NBAS: variants seen among roughly 807,000 people sequenced by gnomAD.
The protein encoded by NBAS is NAG/BC035112 fusion.
A neutral mutation model predicts 302.5 loss-of-function variants in NBAS; 219 were observed. That is an observed-to-expected ratio of 0.72 (90% CI 0.65 to 0.81). NBAS has a LOEUF of 0.81. Ranked by LOEUF, NBAS falls within the 30% of genes least tolerant of loss-of-function variation. The pLI, the probability that NBAS is intolerant of heterozygous loss-of-function variation, is 0.00. For missense variants in NBAS, 2,932 were observed against 2,841.6 expected (o/e 1.03, Z -0.72); for synonymous variants, 1,118 against 1,021.6 (o/e 1.09, Z -1.80).
intron 26 of NBAS, among the ~76,000 whole-genome samples, chr2:15,400,467 A>G (rs955632937): frequency 6.6e-6 from 1 of 152,198 alleles, no homozygotes; most frequent in South Asian, 2.1e-4. Flanking sequence ...GGAGAAGTGG[A>G]TATGGGAGAA....
intron 14 of NBAS, among the ~76,000 whole-genome samples, chr2:15,474,971 A>G (rs1184244082): frequency 4.6e-5 from 7 of 152,214 alleles, no homozygotes; most frequent in African/African-American, 1.7e-4. Context: ...AATGAACATA[A>G]AGGTACTTAC....
chr2:15,165,850 A>G (rs184803825), downstream of NBAS, among the ~76,000 whole-genome samples: 10 of 152,192 alleles, frequency 6.6e-5, no homozygotes, highest in African/African-American at 1.9e-4. Flanking sequence ...CAATGATGTA[A>G]TATCATCTCA....
chr2:15,432,997 G>T (rs1677836680), intron 21 of NBAS, among the ~76,000 whole-genome samples: 1 of 152,202 alleles, frequency 6.6e-6, no homozygotes, highest in Non-Finnish European at 1.5e-5. Context: ...ATGTGTAAAA[G>T]AGAGACAAGA....
the NBAS span, among the ~76,000 whole-genome samples, chr2:14,842,998 A>C: frequency 6.6e-6 from 1 of 152,234 alleles, no homozygotes; most frequent in Non-Finnish European, 1.5e-5. Flanking sequence ...CTATGGATAC[A>C]AGGATGGTTC....
chr2:15,440,528 C>G (rs1678321542), intron 21 of NBAS, among the ~76,000 whole-genome samples: 1 of 152,012 alleles, frequency 6.6e-6, no homozygotes. Context: ...TCATCAAAGG[C>G]CAAAAGTAGA....
the NBAS span, among the ~76,000 whole-genome samples, chr2:15,161,338 T>C: frequency 6.6e-6 from 1 of 152,098 alleles, no homozygotes; most frequent in African/African-American, 2.4e-5. Flanking sequence ...AAGAGCAAAA[T>C]GTTTCCCGGT....
intron 9 of NBAS, among the ~76,000 whole-genome samples, chr2:15,522,344 A>G (rs1443572726): frequency 6.6e-6 from 1 of 152,192 alleles, no homozygotes; most frequent in Admixed American, 6.6e-5. Context: ...AGAATTATCT[A>G]ACATAAATCT....
intron 47 of NBAS, among the ~76,000 whole-genome samples, chr2:15,221,625 AAG>A (rs1307541512): frequency 6.6e-6 from 1 of 152,244 alleles, no homozygotes; most frequent in East Asian, 1.9e-4. Flanking sequence ...AGAACCAGGA[AAG>A]GCTTCAGAGA....
At chr2:15,164,760 G>A (rs1663973759), downstream of NBAS, among the ~76,000 whole-genome samples, 2 of 152,168 alleles carry the variant, frequency 1.3e-5, no homozygotes, top group African/African-American at 4.8e-5. Context: ...GAGGAACGCA[G>A]CGTTCTAGAG....
At chr2:15,371,605 A>T (rs1205506647) in intron 31 of NBAS, among the ~76,000 whole-genome samples, 1 of 152,194 alleles carries the variant, frequency 6.6e-6, no homozygotes, top group Non-Finnish European at 1.5e-5. Flanking sequence ...ACACAGCTCA[A>T]AGTGGCTACA....
chr2:15,258,916 G>A (rs990262172), intron 44 of NBAS, among the ~76,000 whole-genome samples: 33 of 152,162 alleles, frequency 2.2e-4, no homozygotes, highest in African/African-American at 7.0e-4. Context: ...CTGGTTTTGC[G>A]GCTCAGATGG....
the NBAS span, among the ~76,000 whole-genome samples, chr2:14,790,810 C>A: frequency 6.6e-6 from 1 of 151,680 alleles, no homozygotes; most frequent in African/African-American, 2.4e-5. Flanking sequence ...TGCCACCACA[C>A]CCAGGTAATT....
chr2:15,274,349 A>G (rs1026401008), intron 44 of NBAS, among the ~76,000 whole-genome samples: 1 of 152,224 alleles, frequency 6.6e-6, no homozygotes, highest in African/African-American at 2.4e-5. Context: ...CCAGGATAAT[A>G]CTAACTAAAA....
At chr2:15,050,192 G>A in the NBAS span, among the ~76,000 whole-genome samples, 14 of 151,962 alleles carry the variant, frequency 9.2e-5, 1 homozygote, top group South Asian at 8.3e-4. Context: ...CAGCACACTC[G>A]AACCAAAAAG....
At chr2:15,253,385 G>A (rs541271459) in intron 44 of NBAS, among the ~76,000 whole-genome samples, 35 of 152,230 alleles carry the variant, frequency 2.3e-4, no homozygotes, top group African/African-American at 8.2e-4. Flanking sequence ...GTGCAAATGT[G>A]TGTATGCGTG....
At chr2:14,909,366 T>A in the NBAS span, among the ~76,000 whole-genome samples, 240 of 78,282 alleles carry the variant, frequency 3.1e-3, no homozygotes, top group Middle Eastern at 0.015. Context: ...GGAGAGTTTC[T>A]AAAAAAAAAA....
chr2:14,992,062 A>G, the NBAS span, among the ~76,000 whole-genome samples: 1 of 152,188 alleles, frequency 6.6e-6, no homozygotes, highest in East Asian at 1.9e-4. Flanking sequence ...AACAGAGCTC[A>G]GTGTGGGCAA....
chr2:15,151,973 G>A, the NBAS span, among the ~76,000 whole-genome samples: 59,757 of 151,844 alleles, frequency 0.39, 12,611 homozygotes, highest in East Asian at 0.54. Flanking sequence ...TTGGCCTCCC[G>A]AGTAGCTGGG....
At chr2:14,792,048 C>T in the NBAS span, among the ~76,000 whole-genome samples, 1 of 151,996 alleles carries the variant, frequency 6.6e-6, no homozygotes, top group Admixed American at 6.6e-5. Flanking sequence ...TGGAGAGATA[C>T]CTGTTGGCCT....
Sources: gnomAD v4.1 joint callset for allele counts (sites outside exome capture counted in the v4.1 genomes callset) on GRCh38, gnomAD v4.1.1 for gene constraint, MANE v1.5 for transcripts, NCBI Gene and HGNC (gene_info 2026-07-23, HGNC 2026-07-21) for gene names.